CCDC91: variants seen among roughly 807,000 people sequenced by gnomAD.
The protein encoded by CCDC91 is coiled-coil domain-containing protein 91.
In CCDC91, 48 loss-of-function variants were observed where a neutral mutation model predicts 63.2. The ratio of observed to expected loss-of-function variants is 0.76; its 90% CI spans 0.60 to 0.97. CCDC91 has a LOEUF of 0.97. CCDC91 is among the 50% of genes least tolerant of loss of function. The pLI, the probability that CCDC91 is intolerant of heterozygous loss-of-function variation, is 0.00. For synonymous variants in CCDC91, 167 were observed against 165.8 expected, an observed-to-expected ratio of 1.01 and a Z score of -0.06; for missense variants, 500 against 494.6, an observed-to-expected ratio of 1.01 and a Z score of -0.10.
Position 28,305,805 on chromosome 12 carries a change from A to G in CCDC91, c.266A>G (p.Gln89Arg). ...GTGAGTCAAACTATTCCAAAAGCAC[A>G]GGTAAAGACAAACATATTTTTAAAG... ...SIVSQTIPKAQIQQSTHTHLD... is the reference protein window; with the variant it reads ...SIVSQTIPKARIQQSTHTHLD... The change falls in exon 4 of 13, where the codon CAG becomes CGG. Residue 89 changes from glutamine (Q) to arginine (R), a missense_variant and splice_region_variant. Gln to Arg is a conservative substitution (Grantham distance 43). Transcript: ENST00000536442. 3 of 1,606,402 alleles carry G rather than the reference A, an allele frequency of 1.9e-6. No individual in the cohort carries two copies. The highest frequency in any genetic ancestry group is 2.2e-5 in the South Asian group (2 of 89,356).
At chr12:28,345,988 A>T (rs933543094) in intron 6 of CCDC91, among the ~76,000 whole-genome samples, 3 of 152,000 alleles carry the variant, frequency 2.0e-5, no homozygotes, top group Non-Finnish European at 4.4e-5. Context: ...ATTGTCTTTT[A>T]TGCATTTTTA....
intron 12 of CCDC91, among the ~76,000 whole-genome samples, chr12:28,486,300 T>C (rs546771687): frequency 2.6e-5 from 4 of 152,310 alleles, no homozygotes; most frequent in Non-Finnish European, 4.4e-5. Context: ...TGCTGTTCTG[T>C]ATTGCAGAAT....
chr12:28,528,083 G>A (rs879915274), intron 12 of CCDC91, among the ~76,000 whole-genome samples: 5 of 152,160 alleles, frequency 3.3e-5, no homozygotes, highest in East Asian at 3.9e-4. Context: ...GAGTCTGCAC[G>A]CTGGATTCAT....
chr12:28,537,158 G>T (rs992532826), intron 12 of CCDC91, among the ~76,000 whole-genome samples: 1 of 151,960 alleles, frequency 6.6e-6, no homozygotes, highest in Admixed American at 6.6e-5. Flanking sequence ...ACATTTTTAG[G>T]TGCTGTTTTT....
intron 12 of CCDC91, among the ~76,000 whole-genome samples, chr12:28,506,361 C>G (rs1938714415): frequency 6.6e-6 from 1 of 151,908 alleles, no homozygotes; most frequent in Non-Finnish European, 1.5e-5. Flanking sequence ...CTAACCATTC[C>G]TGCATCTTTG....
intron 7 of CCDC91, among the ~76,000 whole-genome samples, chr12:28,369,423 G>T (rs1211743241): frequency 6.6e-6 from 1 of 152,194 alleles, no homozygotes; most frequent in African/African-American, 2.4e-5. Flanking sequence ...AAGCTGCCAA[G>T]GCTTTGAGCA....
intron 12 of CCDC91, among the ~76,000 whole-genome samples, chr12:28,534,086 C>T (rs1340087304): frequency 5.3e-5 from 8 of 152,016 alleles, no homozygotes; most frequent in Admixed American, 6.6e-5. Context: ...AAACTATGTA[C>T]GCTAATTCAT....
intron 1 of CCDC91, among the ~76,000 whole-genome samples, chr12:28,243,887 T>C (rs1310960790): frequency 6.6e-6 from 1 of 152,160 alleles, no homozygotes; most frequent in Non-Finnish European, 1.5e-5. Flanking sequence ...TTAAAATTAA[T>C]ACAAACAGAG....
chr12:28,242,010 A>G (rs1382300677), intron 1 of CCDC91, among the ~76,000 whole-genome samples: 2 of 151,570 alleles, frequency 1.3e-5, no homozygotes, highest in Non-Finnish European at 2.9e-5. Flanking sequence ...AAAAAAAAAA[A>G]AAAAAACGAA....
intron 12 of CCDC91, among the ~76,000 whole-genome samples, chr12:28,529,385 A>G (rs1390869713): frequency 6.6e-6 from 1 of 152,222 alleles, no homozygotes; most frequent in Non-Finnish European, 1.5e-5. Flanking sequence ...TGGTGAAGTC[A>G]GTACCAAGAC....
chr12:28,450,745 A>C (rs1281377767), intron 10 of CCDC91, among the ~76,000 whole-genome samples: 1 of 151,776 alleles, frequency 6.6e-6, no homozygotes, highest in Non-Finnish European at 1.5e-5. Context: ...AAGGTAAGTA[A>C]TTTTTAAAGC....
In CCDC91 at chr12:28,295,795, A is replaced by C. The variant is rs560863195; in HGVS notation, c.110-9854A>C. On this transcript the variant is annotated intron_variant, in intron 3 of 12. Coordinates refer to ENST00000536442, the MANE Select transcript of CCDC91 (RefSeq NM_018318.5). ...AGGAACCAAAAACTACCTCAGCAGG[A>C]ACTTAACATTTTAAAATGATGTGTT... is the stretch of plus-strand genomic sequence containing the variant. 1.0e-3 allele frequency among the ~76,000 whole-genome samples: 156 copies of C among 152,216 alleles called. 1 individual carries two copies. Among genetic ancestry groups the C allele is most frequent in the African/African-American group, 3.4e-3 (141 of 41,582 alleles).
chr12:28,214,540 C>T (rs1943441936), intron 1 of CCDC91, among the ~76,000 whole-genome samples: 1 of 151,876 alleles, frequency 6.6e-6, no homozygotes, highest in Admixed American at 6.6e-5. Context: ...AGAAACAAGG[C>T]CTGTAATTGT....
At chr12:28,342,731 A>C (rs75728638) in intron 6 of CCDC91, among the ~76,000 whole-genome samples, 1,616 of 152,202 alleles carry the variant, frequency 0.011, 35 homozygotes, top group African/African-American at 0.037. Context: ...AGATGGAACA[A>C]AGTTCTTGCA....
intron 7 of CCDC91, among the ~76,000 whole-genome samples, chr12:28,383,116 T>C (rs1308845958): frequency 6.6e-6 from 1 of 152,144 alleles, no homozygotes; most frequent in Non-Finnish European, 1.5e-5. Context: ...AACTCTTATG[T>C]TACTAGATTC....
In CCDC91 at chr12:28,260,046, T is replaced by TA. The variant is rs557691251; in HGVS notation, c.109+605dup. 8.5e-4 allele frequency among the ~76,000 whole-genome samples: 129 copies of TA among 152,098 alleles called. 2 individuals carry two copies. Among genetic ancestry groups the TA allele is most frequent in the African/African-American group, 3.0e-3 (124 of 41,544 alleles). On this transcript the variant is annotated intron_variant, in intron 3 of 12. Coordinates refer to ENST00000536442, the MANE Select transcript of CCDC91 (RefSeq NM_018318.5). ...ACAGCTCTGCCTAGACCTCAAATGT[T>TA]ACAGTTATTTATTGTAAAATATTAA...
At chr12:28,266,032 C>T (rs1380393552) in intron 3 of CCDC91, among the ~76,000 whole-genome samples, 1 of 151,950 alleles carries the variant, frequency 6.6e-6, no homozygotes, top group African/African-American at 2.4e-5. Context: ...TTCTGTTTAA[C>T]TCCTAGGTTA....
At chr12:28,510,923 T>C (rs1939305658) in intron 12 of CCDC91, among the ~76,000 whole-genome samples, 1 of 151,842 alleles carries the variant, frequency 6.6e-6, no homozygotes, top group Admixed American at 6.6e-5. Context: ...CCTGCCACAT[T>C]TGCTCCTTCA....
chr12:28,473,293 CTTCAGT>C (rs1256413342), intron 11 of CCDC91, among the ~76,000 whole-genome samples: 1 of 152,126 alleles, frequency 6.6e-6, no homozygotes, highest in Non-Finnish European at 1.5e-5. Flanking sequence ...GGATATTGAG[CTTCAGT>C]TTCAGACAGA....
Sources: gnomAD v4.1 joint callset for allele counts (sites outside exome capture counted in the v4.1 genomes callset) on GRCh38, gnomAD v4.1.1 for gene constraint, MANE v1.5 for transcripts, NCBI Gene and HGNC (gene_info 2026-07-23, HGNC 2026-07-21) for gene names.